Variants in PEAK1 observed in about 807,000 individuals in gnomAD.
PEAK1 encodes the protein pseudopodium enriched atypical kinase 1.
Under a neutral mutation model 124.7 loss-of-function variants are expected in PEAK1, and 54 were observed. That is an observed-to-expected ratio of 0.43 (90% CI 0.35 to 0.54). The LOEUF (loss-of-function observed/expected upper bound fraction) is 0.54, where lower values mean the gene tolerates loss of function less well. Ranked by LOEUF, PEAK1 falls within the 20% of genes least tolerant of loss-of-function variation. The pLI is 0.01. For missense variants in PEAK1, 2,046 were observed against 2,134.5 expected, an observed-to-expected ratio of 0.96 and a Z score of 0.82; for synonymous variants, 719 against 760.0, an observed-to-expected ratio of 0.95 and a Z score of 0.89.
chr15:77,309,639 CCT>C (rs1222309298), intron 2 of PEAK1, among the ~76,000 whole-genome samples: 2 of 152,086 alleles, frequency 1.3e-5, no homozygotes, highest in Admixed American at 6.6e-5. Context: ...CTTCAACTAT[CCT>C]CTGTCCCCAC....
chr15:77,247,455 A>ATTT (rs754252225), intron 6 of PEAK1, among the ~76,000 whole-genome samples: 1 of 100,192 alleles, frequency 1.0e-5, no homozygotes, highest in African/African-American at 3.7e-5. Flanking sequence ...GGGGTTTTTA[A>ATTT]TTTTTTTTTT....
Position 77,112,819 on chromosome 15 carries a change from C to T in PEAK1, c.*1337G>A, listed in dbSNP as rs1039342131. On this transcript the variant is annotated 3_prime_UTR_variant, in exon 10 of 10. Coordinates refer to ENST00000682557, the MANE Select transcript of PEAK1 (RefSeq NM_001385026.1). ...GTTGCAACATAAACACTGTAATATA[C>T]AGCTAAAAAAATACATACAAAAATT... 1.3e-5 allele frequency: 2 copies of T among 152,132 alleles called. No homozygotes were observed. The highest frequency in any genetic ancestry group is 2.9e-5 in the Non-Finnish European group (2 of 68,040). The allele number at this position is 152,132 out of a possible 1,614,324, so 9.4% of individuals were successfully genotyped here. A position where few individuals can be genotyped will look rare whatever the true frequency, so the allele number is the denominator to read the frequency against.
intron 3 of PEAK1, 26 bp from the exon 4 acceptor site, chr15:77,285,081 CA>C (rs61149018): frequency 0.45 from 60,110 of 134,268 alleles, 12,515 homozygotes; most frequent in Non-Finnish European, 0.48. Context: ...AGACTCGTCT[CA>C]AAAAAAAAAA....
chr15:77,254,969 G>A (rs1264011998), intron 5 of PEAK1, among the ~76,000 whole-genome samples: 2 of 152,146 alleles, frequency 1.3e-5, no homozygotes, highest in African/African-American at 4.8e-5. Flanking sequence ...AGAATGGGAA[G>A]GTGAAGATGC....
chr15:77,181,326 T>A lies in PEAK1; in HGVS notation c.601A>T (p.Ile201Leu). 6.2e-7 allele frequency: 1 copy of A among 1,614,182 alleles called. No individual in the cohort carries two copies. Among genetic ancestry groups the A allele is most frequent in the South Asian group, 1.1e-5 (1 of 91,080 alleles). Residue 201 changes from isoleucine (I) to leucine (L), a missense_variant, in exon 7 of 10, where the codon ATA becomes TTA. Coordinates refer to ENST00000682557, the MANE Select transcript of PEAK1 (RefSeq NM_001385026.1). The stretch of plus-strand genomic sequence containing the variant: ...ACATGCTTGCCCTGAGTTTCCTTTA[T>A]CCCACCTATCATGCAACTTGGTGGA... ...KLPPSCMIGG[I>L]KETQGKHVIL...
chr15:77,243,878 G>C (rs1199825093), intron 6 of PEAK1, among the ~76,000 whole-genome samples: 3 of 152,082 alleles, frequency 2.0e-5, no homozygotes, highest in Non-Finnish European at 4.4e-5. Context: ...TGAGGCAGGA[G>C]AATCTCTTGA....
chr15:77,329,784 T>A (rs2065791442), intron 2 of PEAK1, among the ~76,000 whole-genome samples: 1 of 152,172 alleles, frequency 6.6e-6, no homozygotes, highest in Non-Finnish European at 1.5e-5. Context: ...AATTGTTCCT[T>A]ATGGCATTGA....
At chr15:77,330,464 A>C (rs550922160) in intron 2 of PEAK1, among the ~76,000 whole-genome samples, 6 of 148,854 alleles carry the variant, frequency 4.0e-5, no homozygotes, top group Non-Finnish European at 9.0e-5. Context: ...TCATCTCATC[A>C]ATGTGTGAGT....
chr15:77,114,945 T>G lies in PEAK1; in HGVS notation c.4452A>C (p.Lys1484Asn). 1 of 1,614,038 alleles carries G rather than the reference T, an allele frequency of 6.2e-7. No homozygotes were observed. Among genetic ancestry groups the G allele is most frequent in the Non-Finnish European group, 8.5e-7 (1 of 1,180,006 alleles). ...CCTGCCTCTCATACAAATCAGGGCT[T>G]TTCCCATGCTGGGCCAGAGAGTCTC... ...FVRDSLAQHG[K>N]SPDLYERQVC... Residue 1484 changes from lysine (K) to asparagine (N), a missense_variant, in exon 10 of 10, where the codon AAA becomes AAC. Transcript: ENST00000682557.
At chr15:77,205,481 T>C (rs1174043335) in intron 6 of PEAK1, among the ~76,000 whole-genome samples, 1 of 152,106 alleles carries the variant, frequency 6.6e-6, no homozygotes, top group Non-Finnish European at 1.5e-5. Flanking sequence ...GCATTTAATC[T>C]CTTGAACATT....
At chr15:77,239,734 G>A in intron 6 of PEAK1, 1 of 628,696 alleles carries the variant, frequency 1.6e-6, no homozygotes, top group Non-Finnish European at 2.0e-6. Flanking sequence ...TTTACAAACT[G>A]AGCAAGATTA....
intron 6 of PEAK1, among the ~76,000 whole-genome samples, chr15:77,223,706 C>A (rs1448908428): frequency 6.6e-6 from 1 of 151,942 alleles, no homozygotes; most frequent in Non-Finnish European, 1.5e-5. Context: ...TTAATTAAAT[C>A]TGCTAAGTGA....
In PEAK1 at chr15:77,349,877, T is replaced by C. The variant is rs990269005; in HGVS notation, c.-603+15286A>G. Reference sequence around the variant, plus strand: ...AAGTGGAGAGGAGCCAACTGAACAATATGGTATCTAAAAAACAGACACATT... The same window carrying C: ...AAGTGGAGAGGAGCCAACTGAACAACATGGTATCTAAAAAACAGACACATT... On this transcript the variant is annotated intron_variant, in intron 2 of 9. Transcript: ENST00000682557. The C allele has an allele frequency of 8.1e-6, 8 of 985,214 alleles. No individual in the cohort carries two copies. In the African/African-American group the frequency reaches 1.0e-4, roughly 13 times the overall value. 61.0% of individuals were successfully genotyped at this position (985,214 alleles called of 1,614,324 possible).
At chr15:77,191,991 G>C (rs1163317246) in intron 6 of PEAK1, among the ~76,000 whole-genome samples, 1 of 152,148 alleles carries the variant, frequency 6.6e-6, no homozygotes, top group African/African-American at 2.4e-5. Context: ...AATCAAGCTA[G>C]CACCAACTGC....
At chr15:77,120,181 G>A (rs1440823553) in intron 9 of PEAK1, among the ~76,000 whole-genome samples, 2 of 152,156 alleles carry the variant, frequency 1.3e-5, no homozygotes, top group African/African-American at 2.4e-5. Flanking sequence ...TGTTTGGAGT[G>A]CCTGCTCTCC....
chr15:77,166,127 A>G (rs2056080696), intron 7 of PEAK1, among the ~76,000 whole-genome samples: 1 of 152,186 alleles, frequency 6.6e-6, no homozygotes, highest in African/African-American at 2.4e-5. Context: ...ACAAACCAAA[A>G]AAGTTAATAA....
intron 2 of PEAK1, chr15:77,333,210 C>G (rs2065999221): frequency 1.1e-6 from 1 of 909,704 alleles, no homozygotes; most frequent in Admixed American, 6.2e-5. Context: ...GTCTTGAACT[C>G]CTAGGCTCAA....
chr15:77,221,309 C>CA (rs2059380443), intron 6 of PEAK1, among the ~76,000 whole-genome samples: 1 of 151,908 alleles, frequency 6.6e-6, no homozygotes, highest in African/African-American at 2.4e-5. Context: ...TGTTGTAGAC[C>CA]AACACTAAAG....
At chr15:77,300,793 T>C (rs2063746618) in intron 2 of PEAK1, among the ~76,000 whole-genome samples, 1 of 152,178 alleles carries the variant, frequency 6.6e-6, no homozygotes, top group South Asian at 2.1e-4. Context: ...TCGTTTCCTG[T>C]GGCTGTTATA....
Sources: allele counts gnomAD v4.1 joint callset (sites outside exome capture counted in the v4.1 genomes callset), GRCh38; gene constraint gnomAD v4.1.1; transcripts MANE v1.5; gene names NCBI Gene and HGNC (gene_info 2026-07-23, HGNC 2026-07-21).